Variants in PRNP observed in about 807,000 individuals in gnomAD.
The protein encoded by PRNP is major prion protein.
A neutral mutation model predicts 21.3 loss-of-function variants in PRNP; 15 were observed. The ratio of observed to expected loss-of-function variants is 0.71; its 90% CI spans 0.47 to 1.09. The LOEUF (loss-of-function observed/expected upper bound fraction) is 1.09. PRNP is among the 50% of genes least tolerant of loss of function. The probability of loss-of-function intolerance (pLI) is 0.00; values close to 1 mark genes in which losing one functional copy is unlikely to be tolerated. For missense variants in PRNP, 285 were observed against 340.9 expected, an observed-to-expected ratio of 0.84 and a Z score of 1.29; for synonymous variants, 121 against 123.1, an observed-to-expected ratio of 0.98 and a Z score of 0.11.
chr20:4,688,023 C>G (rs888673313), intron 1 of PRNP, among the ~76,000 whole-genome samples: 1 of 151,918 alleles, frequency 6.6e-6, no homozygotes, highest in Non-Finnish European at 1.5e-5. Context: ...AAAAAGCTAA[C>G]CAGTAAGGGG....
intron 1 of PRNP, among the ~76,000 whole-genome samples, chr20:4,698,905 G>A (rs1220829823): frequency 6.6e-6 from 1 of 152,200 alleles, no homozygotes. Context: ...TGTTTGATCT[G>A]TTTGTTGTTT....
intron 1 of PRNP, among the ~76,000 whole-genome samples, chr20:4,694,026 T>C (rs939636266): frequency 4.0e-5 from 6 of 150,790 alleles, no homozygotes; most frequent in Admixed American, 6.6e-5. Context: ...TGGGTGGAGG[T>C]TGCAGAGAGC....
At chr20:4,692,636 G>C (rs1921905020) in intron 1 of PRNP, among the ~76,000 whole-genome samples, 1 of 152,108 alleles carries the variant, frequency 6.6e-6, no homozygotes, top group Admixed American at 6.5e-5. Context: ...TAAAAATTTA[G>C]GAATGATATT....
rs74315408 is a variant in PRNP, at chr20:4,699,758, G to A, written c.538G>A (p.Val180Ile). Residue 180 changes from valine (V) to isoleucine (I), a missense_variant, in exon 2 of 2, where the codon GTC becomes ATC. Transcript: ENST00000379440. The surrounding 1 kb of genome is among the most constrained non-coding windows in gnomAD (Gnocchi z 5.8). ...CCAGAACAACTTTGTGCACGACTGC[G>A]TCAATATCACAATCAAGCAGCACAC... ...SNQNNFVHDC[V>I]NITIKQHTVT... 8.7e-5 allele frequency: 140 copies of A among 1,614,004 alleles called. 1 individual carries two copies. In the East Asian group the frequency reaches 2.2e-3, roughly 25 times the overall value.
chr20:4,687,013 G>A (rs1221025492), intron 1 of PRNP, among the ~76,000 whole-genome samples: 2 of 151,964 alleles, frequency 1.3e-5, no homozygotes, highest in African/African-American at 4.8e-5. Context: ...ACGCCCCTTG[G>A]CAAGGCCTGG....
At chr20:4,694,958 G>A (rs2122215605) in intron 1 of PRNP, among the ~76,000 whole-genome samples, 1 of 149,412 alleles carries the variant, frequency 6.7e-6, no homozygotes, top group East Asian at 2.0e-4. Context: ...TATATCTTTT[G>A]GCCATTTTTT....
intron 1 of PRNP, among the ~76,000 whole-genome samples, chr20:4,687,390 C>A (rs1921537618): frequency 6.6e-6 from 1 of 152,220 alleles, no homozygotes; most frequent in Non-Finnish European, 1.5e-5. Flanking sequence ...TCCTCCCAGT[C>A]CCCCTGGAGG....
chr20:4,700,288 TAAAAC>T lies in PRNP; in HGVS notation c.*310_*314del. ...TGGACTTAGTGCAACAGGTTGAGGC[TAAAAC>T]AAATCTCAGAACAGTCTGAAATACC... is the stretch of plus-strand genomic sequence containing the variant. On this transcript the variant is annotated 3_prime_UTR_variant, in exon 2 of 2. Coordinates refer to ENST00000379440, the MANE Select transcript of PRNP (RefSeq NM_000311.5). The surrounding 1 kb of genome is among the most constrained non-coding windows in gnomAD (Gnocchi z 4.1). The T allele has an allele frequency of 1.4e-6, 1 of 717,236 alleles. No homozygotes were observed. Among genetic ancestry groups the T allele is most frequent in the South Asian group, 1.5e-5 (1 of 64,746 alleles). 44.4% of individuals were successfully genotyped at this position (717,236 alleles called of 1,614,324 possible). A position where few individuals can be genotyped will look rare whatever the true frequency, so the allele number is the denominator to read the frequency against.
At position 4,699,212 on chromosome 20, in the gene PRNP, G is replaced by T; in HGVS notation, c.-9G>T. 1 of 1,613,978 alleles carries T rather than the reference G, an allele frequency of 6.2e-7. No homozygotes were observed. The highest frequency in any genetic ancestry group is 8.5e-7 in the Non-Finnish European group (1 of 1,180,042). On this transcript the variant is annotated splice_region_variant and 5_prime_UTR_variant, in exon 2 of 2. Transcript: ENST00000379440. The surrounding 1 kb of genome is among the most constrained non-coding windows in gnomAD (Gnocchi z 5.8). ...GACGTTCTCCTCTTCATTTTGCAGA[G>T]CAGTCATTATGGCGAACCTTGGCTG... is the stretch of plus-strand genomic sequence containing the variant.
chr20:4,691,304 C>G (rs1366658927), intron 1 of PRNP, among the ~76,000 whole-genome samples: 3 of 152,152 alleles, frequency 2.0e-5, no homozygotes. Context: ...AAAAAACAAT[C>G]CTAAAATTGG....
intron 1 of PRNP, among the ~76,000 whole-genome samples, chr20:4,689,136 A>G (rs1485419686): frequency 6.6e-6 from 1 of 152,152 alleles, no homozygotes; most frequent in Non-Finnish European, 1.5e-5. Flanking sequence ...GTTGTTTTTA[A>G]GGACTCCTGA....
Position 4,699,687 on chromosome 20 carries a change from G to A in PRNP, c.467G>A (p.Arg156His), listed in dbSNP as rs1323478206. The part of the protein sequence containing the change: ...EDRYYRENMH[R>H]YPNQVYYRPM... Reference sequence around the variant, plus strand: ...CGTTACTATCGTGAAAACATGCACCGTTACCCCAACCAAGTGTACTACAGG... The same window carrying A: ...CGTTACTATCGTGAAAACATGCACCATTACCCCAACCAAGTGTACTACAGG... The change falls in exon 2 of 2, where the codon CGT becomes CAT. Residue 156 changes from arginine to histidine, a missense_variant. Arg to His is a conservative substitution (Grantham distance 29). Coordinates refer to ENST00000379440, the MANE Select transcript of PRNP (RefSeq NM_000311.5). The surrounding 1 kb of genome is among the most constrained non-coding windows in gnomAD (Gnocchi z 5.8). 5.0e-6 allele frequency: 8 copies of A among 1,613,814 alleles called. No individual in the cohort carries two copies. The highest frequency in any genetic ancestry group is 1.1e-5 in the South Asian group (1 of 91,054).
rs1921470541 is a variant in PRNP, at chr20:4,686,814, G to C, written c.-11+302G>C. 6.6e-6 allele frequency: 1 copy of C among 151,618 alleles called. No individual in the cohort carries two copies. The highest frequency in any genetic ancestry group is 2.1e-4 in the South Asian group (1 of 4,824). The allele number at this position is 151,618 out of a possible 1,614,324, so 9.4% of individuals were successfully genotyped here. A position where few individuals can be genotyped will look rare whatever the true frequency, so the allele number is the denominator to read the frequency against. On this transcript the variant is annotated intron_variant, in intron 1 of 1. Coordinates refer to ENST00000379440, the MANE Select transcript of PRNP (RefSeq NM_000311.5). The surrounding 1 kb of genome is among the most constrained non-coding windows in gnomAD (Gnocchi z 6.7). Reference sequence around the variant, plus strand: ...CCCCGTTAGGGAGGTCGGTGGCGCCGGGGTGTCTCAGCGCCCCCTGCACCC... The same window carrying C: ...CCCCGTTAGGGAGGTCGGTGGCGCCCGGGTGTCTCAGCGCCCCCTGCACCC...
chr20:4,689,791 G>T (rs985772149), intron 1 of PRNP, among the ~76,000 whole-genome samples: 1 of 152,048 alleles, frequency 6.6e-6, no homozygotes, highest in South Asian at 2.1e-4. Flanking sequence ...TTTTTTTGTC[G>T]ATGTGTTAAC....
intron 1 of PRNP, among the ~76,000 whole-genome samples, chr20:4,687,360 C>T (rs1052182288): frequency 1.3e-5 from 2 of 152,150 alleles, no homozygotes; most frequent in African/African-American, 4.8e-5. Context: ...GATGGCGGAC[C>T]CCAGCTTGGC....
chr20:4,691,148 A>G (rs1230375443), intron 1 of PRNP, among the ~76,000 whole-genome samples: 1 of 152,218 alleles, frequency 6.6e-6, no homozygotes, highest in Non-Finnish European at 1.5e-5. Flanking sequence ...CACTGATGAA[A>G]GAAATTCAAG....
In PRNP at chr20:4,699,129, A is replaced by G. The variant is rs1922360997; in HGVS notation, c.-10-82A>G. On this transcript the variant is annotated intron_variant, in intron 1 of 1. Transcript: ENST00000379440. The surrounding 1 kb of genome is among the most constrained non-coding windows in gnomAD (Gnocchi z 5.8). ...CTACTGAGCAGCTGATACCATTGCT[A>G]TGCACTCATTCATTATGCAGGAAAC... is the stretch of plus-strand genomic sequence containing the variant. 1 of 1,508,626 alleles carries G rather than the reference A, an allele frequency of 6.6e-7. No homozygotes were observed. The highest frequency in any genetic ancestry group is 9.2e-7 in the Non-Finnish European group (1 of 1,086,386). The allele number at this position is 1,508,626 out of a possible 1,614,324, so 93.5% of individuals were successfully genotyped here.
intron 1 of PRNP, among the ~76,000 whole-genome samples, chr20:4,691,619 A>T (rs931365810): frequency 1.4e-4 from 22 of 152,244 alleles, no homozygotes; most frequent in Non-Finnish European, 3.1e-4. Flanking sequence ...ATCCCACTGT[A>T]TCATAGTAAA....
chr20:4,698,488 G>A (rs1375760120), intron 1 of PRNP, among the ~76,000 whole-genome samples: 3 of 152,086 alleles, frequency 2.0e-5, no homozygotes, highest in South Asian at 2.1e-4. Flanking sequence ...TCGGTTGCAC[G>A]TTTCATTAAA....
Sources: allele counts gnomAD v4.1 joint callset (sites outside exome capture counted in the v4.1 genomes callset), GRCh38; gene constraint gnomAD v4.1.1; non-coding constraint Gnocchi (gnomAD v3.1); transcripts MANE v1.5; gene names NCBI Gene and HGNC (gene_info 2026-07-23, HGNC 2026-07-21).